ABCA1: variants seen among roughly 807,000 people sequenced by gnomAD.
ABCA1 encodes phospholipid-transporting ATPase ABCA1.
ABCA1 carries 133 observed loss-of-function variants against 262.5 expected under a neutral mutation model. That is an observed-to-expected ratio of 0.51 (90% CI 0.44 to 0.59). The LOEUF (loss-of-function observed/expected upper bound fraction) is 0.59. Ranked by LOEUF, ABCA1 falls within the 20% of genes least tolerant of loss-of-function variation. The probability of loss-of-function intolerance (pLI) is 0.00; values close to 1 mark genes in which losing one functional copy is unlikely to be tolerated. For missense variants in ABCA1, 2,452 were observed against 2,777.5 expected (o/e 0.88, Z 2.63); for synonymous variants, 1,022 against 1,043.5 (o/e 0.98, Z 0.40).
chr9:104,874,400 C>T (rs950539361), intron 5 of ABCA1, among the ~76,000 whole-genome samples: 7 of 152,018 alleles, frequency 4.6e-5, no homozygotes, highest in Non-Finnish European at 1.0e-4. Flanking sequence ...CCCGTCTCTA[C>T]TAAAAAATAC....
chr9:104,912,248 T>C (rs1841543342), intron 1 of ABCA1, among the ~76,000 whole-genome samples: 1 of 152,156 alleles, frequency 6.6e-6, no homozygotes, highest in Admixed American at 6.5e-5. Flanking sequence ...TTACAGGAGA[T>C]CCTGACCGGG....
At chr9:104,838,210 G>A (rs761788497) in intron 9 of ABCA1, among the ~76,000 whole-genome samples, 10 of 151,828 alleles carry the variant, frequency 6.6e-5, no homozygotes, top group Non-Finnish European at 1.0e-4. Context: ...GGCTGAGGCA[G>A]GAGAATCGCT....
Position 104,784,056 on chromosome 9 carries a change from C to T in ABCA1, c.*259G>A, listed in dbSNP as rs1315575106. The T allele has an allele frequency of 1.4e-5, 6 of 424,122 alleles. No homozygotes were observed. The highest frequency in any genetic ancestry group is 2.1e-5 in the Non-Finnish European group (5 of 233,024). 26.3% of individuals were successfully genotyped at this position (424,122 alleles called of 1,614,324 possible). On this transcript the variant is annotated 3_prime_UTR_variant, in exon 50 of 50. Transcript: ENST00000374736. ...TCCATTGGGTTCCATAATAGAGTTTCACATAGGTATAGGTAAAAAACTAAA... is the reference window on the plus strand; with the variant it reads ...TCCATTGGGTTCCATAATAGAGTTTTACATAGGTATAGGTAAAAAACTAAA...
rs55785018 is a variant in ABCA1, at chr9:104,874,395, C to T, written c.421+8644G>A. On this transcript the variant is annotated intron_variant, in intron 5 of 49. Coordinates refer to ENST00000374736, the MANE Select transcript of ABCA1 (RefSeq NM_005502.4). Reference sequence around the variant, plus strand: ...AATGGCCAACATGGCAAAACCCCGTCTCTACTAAAAAATACAAAAATTAGC... The same window carrying T: ...AATGGCCAACATGGCAAAACCCCGTTTCTACTAAAAAATACAAAAATTAGC... 8.2e-3 allele frequency among the ~76,000 whole-genome samples: 1,253 copies of T among 152,148 alleles called. 18 individuals are homozygous for T. The highest frequency in any genetic ancestry group is 0.027 in the African/African-American group (1,142 of 41,530).
intron 2 of ABCA1, among the ~76,000 whole-genome samples, chr9:104,896,803 T>A (rs80170476): frequency 0.035 from 4,752 of 136,256 alleles, 177 homozygotes; most frequent in African/African-American, 0.083. Context: ...TGGTCATAGC[T>A]CACTGCAGCC....
At chr9:104,913,675 AC>A (rs1841635614) in intron 1 of ABCA1, among the ~76,000 whole-genome samples, 2 of 148,556 alleles carry the variant, frequency 1.3e-5, no homozygotes, top group South Asian at 4.3e-4. Context: ...TTACTATAAA[AC>A]CCCCTCTTGG....
intron 44 of ABCA1, among the ~76,000 whole-genome samples, chr9:104,789,757 A>G (rs1829246240): frequency 6.8e-6 from 1 of 146,512 alleles, no homozygotes; most frequent in Non-Finnish European, 1.5e-5. Context: ...GTCATGGTCA[A>G]AAAACTCTGA....
intron 1 of ABCA1, among the ~76,000 whole-genome samples, chr9:104,921,149 G>C (rs1842123147): frequency 6.6e-6 from 1 of 152,086 alleles, no homozygotes; most frequent in African/African-American, 2.4e-5. Context: ...TTCATAAATG[G>C]TTCAACTACT....
At chr9:104,808,992 G>T (rs992823779) in intron 30 of ABCA1, among the ~76,000 whole-genome samples, 3 of 152,152 alleles carry the variant, frequency 2.0e-5, no homozygotes, top group Non-Finnish European at 4.4e-5. Flanking sequence ...GGTTTTGAAG[G>T]AAAGTACAAT....
intron 1 of ABCA1, among the ~76,000 whole-genome samples, chr9:104,908,826 G>T (rs1841325783): frequency 6.6e-6 from 1 of 152,128 alleles, no homozygotes; most frequent in African/African-American, 2.4e-5. Flanking sequence ...TGACATTCTG[G>T]AAAAGGTGAA....
At chr9:104,786,176 C>T (rs1828913947) in intron 48 of ABCA1, 122 bp downstream of exon 48, 3 of 833,800 alleles carry the variant, frequency 3.6e-6, no homozygotes, top group Non-Finnish European at 6.0e-6. Flanking sequence ...TCATTCTTTC[C>T]ACTATACTGT....
At chr9:104,825,577 C>T in intron 17 of ABCA1, 106 bp downstream of exon 17, 1 of 1,175,688 alleles carries the variant, frequency 8.5e-7, no homozygotes, top group Middle Eastern at 2.2e-4. Flanking sequence ...AGATCTATAG[C>T]CCAAACCACT....
Position 104,798,577 on chromosome 9 carries a change from G to A in ABCA1, c.4965C>T (p.Val1655=). ...CAAAGATGACACAGATGGACACAAG[G>A]ACATCCACTGATGTGGTCATCCTGG... is the stretch of plus-strand genomic sequence containing the variant. ...EVALMTTSVD[V]LVSICVIFAM... Residue 1655 remains valine, a synonymous_variant, in exon 37 of 50, where the codon GTC becomes GTT. Coordinates refer to ENST00000374736, the MANE Select transcript of ABCA1 (RefSeq NM_005502.4). 1 of 1,614,134 alleles carries A rather than the reference G, an allele frequency of 6.2e-7. No individual in the cohort carries two copies.
chr9:104,862,646 G>GGCAGCGCCGGGCAGC (rs1418865028), intron 5 of ABCA1, among the ~76,000 whole-genome samples: 5 of 2,904 alleles, frequency 1.7e-3, no homozygotes, highest in East Asian at 0.014. Flanking sequence ...GGCCGGGCCG[G>GGCAGCGCCGGGCAGC]GCCGGGCCGG....
At chr9:104,793,639 T>G (rs950565292) in intron 40 of ABCA1, among the ~76,000 whole-genome samples, 13 of 152,180 alleles carry the variant, frequency 8.5e-5, no homozygotes, top group Non-Finnish European at 2.9e-5. Flanking sequence ...AGTCAGTATT[T>G]TTAATAAATT....
intron 5 of ABCA1, among the ~76,000 whole-genome samples, chr9:104,874,809 G>A (rs1467677809): frequency 8.5e-5 from 11 of 128,910 alleles, no homozygotes; most frequent in East Asian, 4.2e-4. Context: ...CAGCCGCCCC[G>A]TCCGGGAGGG....
chr9:104,889,299 T>C, intron 2 of ABCA1, 104 bp from the exon 3 acceptor site: 1 of 1,536,692 alleles, frequency 6.5e-7, no homozygotes, highest in Non-Finnish European at 8.8e-7. Flanking sequence ...TACTAATTAA[T>C]CAACTTCTCC....
At chr9:104,796,576 T>C in intron 37 of ABCA1, 152 bp from the exon 38 acceptor site, 2 of 714,402 alleles carry the variant, frequency 2.8e-6, no homozygotes, top group East Asian at 2.7e-5. Flanking sequence ...TTAATCAAAA[T>C]ACCCGACAAT....
chr9:104,875,785 T>C (rs1564225738), intron 5 of ABCA1, among the ~76,000 whole-genome samples: 1 of 152,152 alleles, frequency 6.6e-6, no homozygotes, highest in Non-Finnish European at 1.5e-5. Context: ...ATGTAGGCTG[T>C]GCACTATTCA....
Sources: gnomAD v4.1 joint callset for allele counts (sites outside exome capture counted in the v4.1 genomes callset) on GRCh38, gnomAD v4.1.1 for gene constraint, MANE v1.5 for transcripts, NCBI Gene and HGNC (gene_info 2026-07-23, HGNC 2026-07-21) for gene names.